GLI2: variants seen among roughly 807,000 people sequenced by gnomAD.
The protein encoded by GLI2 is GLI family zinc finger 2, also known as transcription activator GLI2.
A neutral mutation model predicts 78.9 loss-of-function variants in GLI2; 22 were observed. That is an observed-to-expected ratio of 0.28 (90% confidence interval 0.20 to 0.40). The LOEUF (loss-of-function observed/expected upper bound fraction) is 0.40. Among genes scored for constraint, GLI2 ranks in the 10% least tolerant of loss-of-function variants. The probability of loss-of-function intolerance (pLI) is 1.00; values close to 1 mark genes in which losing one functional copy is unlikely to be tolerated. For synonymous variants in GLI2, 974 were observed against 963.7 expected (o/e 1.01, Z -0.20); for missense variants, 2,097 against 2,213.2 (o/e 0.95, Z 1.05).
At chr2:120,773,097 G>C (rs1040255494) in intron 1 of GLI2, among the ~76,000 whole-genome samples, 4 of 152,140 alleles carry the variant, frequency 2.6e-5, no homozygotes, top group Non-Finnish European at 5.9e-5. Flanking sequence ...TCACTATTTT[G>C]ACAGTATGTG....
chr2:120,906,246 C>T (rs1315400063), intron 2 of GLI2, among the ~76,000 whole-genome samples: 1 of 152,148 alleles, frequency 6.6e-6, no homozygotes, highest in Non-Finnish European at 1.5e-5. Context: ...GGCCACATCC[C>T]TCGAGTGGTT....
At chr2:120,761,840 G>A (rs553137286) in intron 1 of GLI2, among the ~76,000 whole-genome samples, 1 of 152,222 alleles carries the variant, frequency 6.6e-6, no homozygotes, top group Admixed American at 6.5e-5. Flanking sequence ...CTTGGGGCAG[G>A]GACAGGGGCT....
intron 1 of GLI2, among the ~76,000 whole-genome samples, chr2:120,776,120 G>C (rs986515418): frequency 1.1e-4 from 17 of 152,266 alleles, no homozygotes; most frequent in Admixed American, 1.0e-3. Flanking sequence ...CCCATCAGGT[G>C]CCTGGGCAGG....
chr2:120,923,751 C>T (rs1442695585), intron 2 of GLI2, among the ~76,000 whole-genome samples: 3 of 152,104 alleles, frequency 2.0e-5, no homozygotes, highest in Admixed American at 1.3e-4. Flanking sequence ...CATACACGCA[C>T]TGCACATACT....
intron 1 of GLI2, among the ~76,000 whole-genome samples, chr2:120,749,493 GA>G (rs1466089987): frequency 6.6e-6 from 1 of 152,200 alleles, no homozygotes; most frequent in Non-Finnish European, 1.5e-5. Flanking sequence ...TGTTTTGGTG[GA>G]TGAGGAATTG....
intron 2 of GLI2, among the ~76,000 whole-genome samples, chr2:120,816,012 T>G (rs1479785552): frequency 6.6e-6 from 1 of 152,138 alleles, no homozygotes; most frequent in Non-Finnish European, 1.5e-5. Flanking sequence ...ACCCTCCCCC[T>G]TGGAACTATA....
chr2:120,782,878 T>A (rs1683888235), intron 1 of GLI2, among the ~76,000 whole-genome samples: 1 of 152,202 alleles, frequency 6.6e-6, no homozygotes, highest in African/African-American at 2.4e-5. Context: ...AGAGGATTCC[T>A]GAGTAGAACA....
At chr2:120,956,822 C>A (rs1020170339) in intron 5 of GLI2, among the ~76,000 whole-genome samples, 5 of 152,044 alleles carry the variant, frequency 3.3e-5, no homozygotes, top group African/African-American at 1.2e-4. Context: ...TGGGACCAGG[C>A]GGGGCCATGA....
chr2:120,989,311 G>T lies in GLI2; in HGVS notation c.3346G>T (p.Ala1116Ser). ...GGGAGGATGCCAGTTAGGCTTTGGG[G>T]CGCCCTCCAGCCTGAACAAAAATAA... Reference protein sequence around the residue: ...MLGGCQLGFGAPSSLNKNNMP... With the variant: ...MLGGCQLGFGSPSSLNKNNMP... The change falls in exon 14 of 14, where the codon GCG (alanine) becomes TCG (serine). Residue 1116 changes from alanine (A) to serine (S), a missense_variant. Ala to Ser is a moderately conservative substitution (Grantham distance 99, BLOSUM62 1). Around this residue, in one of 5 missense-constraint regions of GLI2, gnomAD observed 1,290 missense variants for 1,261.7 expected, o/e 1.02. Transcript: ENST00000361492. 3.7e-6 allele frequency: 6 copies of T among 1,613,054 alleles called. No homozygotes were observed. The highest frequency in any genetic ancestry group is 5.1e-6 in the Non-Finnish European group (6 of 1,180,014).
Position 120,970,533 on chromosome 2 carries a change from T to C in GLI2, c.986T>C (p.Met329Thr), listed in dbSNP as rs1259004125. 1.2e-6 allele frequency: 2 copies of C among 1,614,102 alleles called. No homozygotes were observed. Among genetic ancestry groups the C allele is most frequent in the Non-Finnish European group, 1.7e-6 (2 of 1,180,006 alleles). The stretch of plus-strand genomic sequence containing the variant: ...CCCACCTTCCTGGCCCAGCAGCCCA[T>C]GGCCCTCACCTCCATCAATGCCACG... Reference protein sequence around the residue: ...PSPTFLAQQPMALTSINATPT... With the variant: ...PSPTFLAQQPTALTSINATPT... Residue 329 changes from methionine (M) to threonine (T), a missense_variant, in exon 7 of 14, where the codon ATG becomes ACG. Physicochemically the swap from Met to Thr is moderately conservative, Grantham distance 81 (BLOSUM62 -1). Around this residue, in one of 5 missense-constraint regions of GLI2, gnomAD observed 578 missense variants for 612.0 expected, o/e 0.94. Transcript: ENST00000361492.
chr2:120,972,462 C>G (rs978834094), intron 8 of GLI2, among the ~76,000 whole-genome samples: 6 of 152,238 alleles, frequency 3.9e-5, no homozygotes, highest in Middle Eastern at 3.2e-3. Context: ...AACTCTACCC[C>G]ACCCTGGCTC....
intron 3 of GLI2, among the ~76,000 whole-genome samples, chr2:120,933,976 C>T (rs13393058): frequency 0.44 from 66,733 of 152,138 alleles, 16,560 homozygotes; most frequent in Middle Eastern, 0.66. Context: ...CCAAACCTGG[C>T]TGCAGATCTG....
In GLI2 at chr2:120,982,824, G is replaced by T; in HGVS notation, c.1576G>T (p.Ala526Ser). The T allele has an allele frequency of 6.2e-7, 1 of 1,614,184 alleles. No homozygotes were observed. The highest frequency in any genetic ancestry group is 8.5e-7 in the Non-Finnish European group (1 of 1,180,010). ...GTGTGAGCACGAGGGCTGCAACAAAGCCTTCTCCAACGCCTCGGACCGCGC... is the reference window on the plus strand; with the variant it reads ...GTGTGAGCACGAGGGCTGCAACAAATCCTTCTCCAACGCCTCGGACCGCGC... The part of the protein sequence containing the change: ...YVCEHEGCNK[A>S]FSNASDRAKH... Residue 526 changes from alanine (A) to serine (S), a missense_variant, in exon 11 of 14, where the codon GCC (alanine) becomes TCC (serine). Transcript: ENST00000361492.
At chr2:120,774,845 G>A (rs1159070883) in intron 1 of GLI2, among the ~76,000 whole-genome samples, 1 of 152,178 alleles carries the variant, frequency 6.6e-6, no homozygotes, top group East Asian at 1.9e-4. Flanking sequence ...TGAGACCTTT[G>A]CTTCCTCTGA....
At chr2:120,974,214 A>G (rs1682335463) in intron 8 of GLI2, among the ~76,000 whole-genome samples, 1 of 151,940 alleles carries the variant, frequency 6.6e-6, no homozygotes, top group Non-Finnish European at 1.5e-5. Context: ...CCCTCCGTGG[A>G]CTTTCCGTCC....
chr2:120,958,640 C>T (rs1388995291), intron 5 of GLI2, among the ~76,000 whole-genome samples: 1 of 152,198 alleles, frequency 6.6e-6, no homozygotes, highest in Non-Finnish European at 1.5e-5. Flanking sequence ...AGAGGCCTTC[C>T]TCTCCAGCTC....
chr2:120,951,274 T>G lies in GLI2; in HGVS notation c.286T>G (p.Ser96Ala). 1.9e-6 allele frequency: 3 copies of G among 1,612,462 alleles called. No individual in the cohort carries two copies. Among genetic ancestry groups the G allele is most frequent in the Non-Finnish European group, 2.5e-6 (3 of 1,178,726 alleles). ...TGCCCTCAGCGGCAGCCCTGTCATC[T>G]CTGACATCTCCTTGATCCGGCTTTC... is the stretch of plus-strand genomic sequence containing the variant. Reference protein sequence around the residue: ...PPALSGSPVISDISLIRLSPH... With the variant: ...PPALSGSPVIADISLIRLSPH... Residue 96 changes from serine (S) to alanine (A), a missense_variant, in exon 4 of 14, where the codon TCT becomes GCT. Physicochemically the swap from Ser to Ala is moderately conservative, Grantham distance 99. Coordinates refer to ENST00000361492, the MANE Select transcript of GLI2 (RefSeq NM_001374353.1).
intron 2 of GLI2, among the ~76,000 whole-genome samples, chr2:120,872,450 T>C (rs1479981399): frequency 6.6e-6 from 1 of 152,204 alleles, no homozygotes; most frequent in East Asian, 1.9e-4. Context: ...GGCTGCAGGA[T>C]GCATAGAATG....
At chr2:120,934,713 G>C (rs1420793101) in intron 3 of GLI2, among the ~76,000 whole-genome samples, 9 of 152,184 alleles carry the variant, frequency 5.9e-5, no homozygotes, top group Non-Finnish European at 1.3e-4. Context: ...AGCATTAAGA[G>C]TGTCTGAAGC....
Sources: allele counts gnomAD v4.1 joint callset (sites outside exome capture counted in the v4.1 genomes callset), GRCh38; gene constraint gnomAD v4.1.1; regional missense constraint gnomAD v4.1.1; transcripts MANE v1.5; gene names NCBI Gene and HGNC (gene_info 2026-07-23, HGNC 2026-07-21).